ACSL3: variants seen among roughly 807,000 people sequenced by gnomAD.
ACSL3 encodes fatty acid CoA ligase Acsl3.
Under a neutral mutation model 84.7 loss-of-function variants are expected in ACSL3, and 34 were observed. The observed-to-expected ratio is 0.40, with a 90% CI of 0.31 to 0.53. The LOEUF (loss-of-function observed/expected upper bound fraction) is 0.53. Ranked by LOEUF, ACSL3 falls within the 20% of genes least tolerant of loss-of-function variation. The pLI is 0.48. For missense variants in ACSL3, 680 were observed against 873.1 expected, an observed-to-expected ratio of 0.78 and a Z score of 2.79; for synonymous variants, 315 against 299.4, an observed-to-expected ratio of 1.05 and a Z score of -0.54.
chr2:222,941,624 G>C lies in ACSL3; in HGVS notation c.2133G>C (p.Ala711=), dbSNP rs752311509. 43 of 1,612,836 alleles carry C rather than the reference G, an allele frequency of 2.7e-5. No individual in the cohort carries two copies. Among genetic ancestry groups the C allele is most frequent in the Non-Finnish European group, 3.2e-5 (38 of 1,179,516 alleles). Residue 711 remains alanine, a synonymous_variant, in exon 17 of 17, where the codon GCG becomes GCC. Transcript: ENST00000357430. ...KRKELKTHYQ[A]DIERMYGRK ...AAGAGCTTAAAACACATTACCAGGCGGACATTGAGCGAATGTATGGAAGAA... is the reference window on the plus strand; with the variant it reads ...AAGAGCTTAAAACACATTACCAGGCCGACATTGAGCGAATGTATGGAAGAA...
chr2:222,882,402 T>C (rs1478774432), intron 1 of ACSL3, among the ~76,000 whole-genome samples: 1 of 152,138 alleles, frequency 6.6e-6, no homozygotes, highest in African/African-American at 2.4e-5. Flanking sequence ...ATAACAGCGA[T>C]CTCCAAGCTT....
chr2:222,891,339 CA>C (rs368349798), intron 2 of ACSL3, among the ~76,000 whole-genome samples: 5 of 152,068 alleles, frequency 3.3e-5, no homozygotes, highest in Admixed American at 2.0e-4. Context: ...TAATGGTGAA[CA>C]AATTAAGATT....
At chr2:222,902,351 A>G (rs1696173546) in intron 3 of ACSL3, among the ~76,000 whole-genome samples, 1 of 152,218 alleles carries the variant, frequency 6.6e-6, no homozygotes, top group African/African-American at 2.4e-5. Context: ...TTTAGTTGTT[A>G]CTTAGCGTCC....
At chr2:222,868,190 A>G (rs553190411) in intron 1 of ACSL3, among the ~76,000 whole-genome samples, 1 of 152,220 alleles carries the variant, frequency 6.6e-6, no homozygotes, top group East Asian at 1.9e-4. Context: ...ATTTTCCTCT[A>G]AATGTAGTGC....
Position 222,908,739 on chromosome 2 carries a change from G to C in ACSL3, c.-34G>C. 6.5e-7 allele frequency: 1 copy of C among 1,541,540 alleles called. No individual in the cohort carries two copies. Among genetic ancestry groups the C allele is most frequent in the Non-Finnish European group, 8.7e-7 (1 of 1,153,082 alleles). Reference sequence around the variant, plus strand: ...TTCTTTTTCTTCCTCCTAGATTCTCGCTGAAGTCTGTTAATTCTACTTTTT... The same window carrying C: ...TTCTTTTTCTTCCTCCTAGATTCTCCCTGAAGTCTGTTAATTCTACTTTTT... On this transcript the variant is annotated 5_prime_UTR_variant, in exon 4 of 17. Coordinates refer to ENST00000357430, the MANE Select transcript of ACSL3 (RefSeq NM_004457.5).
At chr2:222,877,220 A>G (rs1226427187) in intron 1 of ACSL3, among the ~76,000 whole-genome samples, 2 of 152,200 alleles carry the variant, frequency 1.3e-5, no homozygotes, top group African/African-American at 4.8e-5. Context: ...TTGAAGTGAA[A>G]GAGTTGGTGG....
At chr2:222,883,269 C>A (rs920412190) in intron 1 of ACSL3, among the ~76,000 whole-genome samples, 2 of 151,680 alleles carry the variant, frequency 1.3e-5, no homozygotes, top group African/African-American at 4.8e-5. Context: ...CAACCTCCCC[C>A]TCCCGGGTTC....
chr2:222,909,968 G>C (rs923439197), intron 4 of ACSL3, among the ~76,000 whole-genome samples: 1 of 152,176 alleles, frequency 6.6e-6, no homozygotes, highest in Non-Finnish European at 1.5e-5. Context: ...GCTGGGACTG[G>C]AATCCAGGCC....
At chr2:222,874,494 C>A (rs1052622547) in intron 1 of ACSL3, among the ~76,000 whole-genome samples, 2 of 151,902 alleles carry the variant, frequency 1.3e-5, no homozygotes, top group Admixed American at 1.3e-4. Flanking sequence ...AGTTTGAGAC[C>A]AGCCTGGGCA....
intron 6 of ACSL3, among the ~76,000 whole-genome samples, chr2:222,918,620 T>G (rs1696647716): frequency 2.0e-5 from 3 of 150,618 alleles, no homozygotes; most frequent in Admixed American, 1.3e-4. Flanking sequence ...ATATCTGGGC[T>G]ATTCTATATG....
intron 14 of ACSL3, 144 bp from the exon 15 acceptor site, chr2:222,933,022 A>G (rs1051874877): frequency 6.6e-5 from 35 of 528,018 alleles, no homozygotes; most frequent in Non-Finnish European, 1.0e-4. Flanking sequence ...TAATTTCAGC[A>G]TAACCATTAA....
rs1011019757 is a variant in ACSL3, at chr2:222,908,860, A to G, written c.88A>G (p.Ile30Val). 23 of 1,604,302 alleles carry G rather than the reference A, an allele frequency of 1.4e-5. No individual in the cohort carries two copies. Among genetic ancestry groups the G allele is most frequent in the Non-Finnish European group, 1.8e-5 (21 of 1,173,822 alleles). Residue 30 changes from isoleucine to valine, a missense_variant, in exon 4 of 17, where the codon ATA (isoleucine) becomes GTA (valine). Ile to Val is a conservative substitution (Grantham distance 29). Transcript: ENST00000357430. ...TCTTTTATATTTTATACATTTTCTAATATCACTTTATACTATTTTAACATA... is the reference window on the plus strand; with the variant it reads ...TCTTTTATATTTTATACATTTTCTAGTATCACTTTATACTATTTTAACATA... The part of the protein sequence containing the change: ...PILLYFIHFL[I>V]SLYTILTYIP...
chr2:222,932,516 T>G (rs1436376358), intron 14 of ACSL3, among the ~76,000 whole-genome samples: 3 of 151,858 alleles, frequency 2.0e-5, no homozygotes, highest in African/African-American at 7.3e-5. Flanking sequence ...TTTAGTAGAG[T>G]CGGGGTTTCA....
At chr2:222,924,712 A>T in intron 11 of ACSL3, 117 bp downstream of exon 11, 1 of 1,196,042 alleles carries the variant, frequency 8.4e-7, no homozygotes, top group Middle Eastern at 2.2e-4. Context: ...TCATAAAGTC[A>T]AGAGAACTCT....
chr2:222,873,723 A>G (rs1223651347), intron 1 of ACSL3, among the ~76,000 whole-genome samples: 1 of 152,186 alleles, frequency 6.6e-6, no homozygotes, highest in Non-Finnish European at 1.5e-5. Context: ...TTTTGAAAAT[A>G]TTTTTAGTGG....
intron 4 of ACSL3, among the ~76,000 whole-genome samples, chr2:222,910,993 C>T (rs774155901): frequency 9.2e-5 from 14 of 151,452 alleles, no homozygotes; most frequent in Non-Finnish European, 1.8e-4. Context: ...ATTTCCAAAA[C>T]ATTTTATCAT....
chr2:222,895,367 T>A (rs1001205053), intron 2 of ACSL3, among the ~76,000 whole-genome samples: 2 of 152,204 alleles, frequency 1.3e-5, no homozygotes, highest in Non-Finnish European at 2.9e-5. Flanking sequence ...TGCATAATAC[T>A]TTCCTCTGCT....
At chr2:222,906,618 ATTT>A (rs35845392) in intron 3 of ACSL3, among the ~76,000 whole-genome samples, 3 of 142,350 alleles carry the variant, frequency 2.1e-5, no homozygotes, top group African/African-American at 2.6e-5. Flanking sequence ...TACCAGCCTC[ATTT>A]TTTTTTTTTT....
In ACSL3 at chr2:222,930,554, A is replaced by G. The variant is rs1449411697; in HGVS notation, c.1541-67A>G. On this transcript the variant is annotated intron_variant, in intron 13 of 16. Transcript: ENST00000357430. ...ATTAAAATAAGATGACTGTTTAGAA[A>G]CTAGTAGTTTCAAATTTTCATGTGT... The G allele has an allele frequency of 4.6e-6, 6 of 1,292,142 alleles. No homozygotes were observed. In the African/African-American group the frequency reaches 7.5e-5, roughly 16 times the overall value. The allele number at this position is 1,292,142 out of a possible 1,614,324, so 80.0% of individuals were successfully genotyped here.
Sources: gnomAD v4.1 joint callset for allele counts (sites outside exome capture counted in the v4.1 genomes callset) on GRCh38, gnomAD v4.1.1 for gene constraint, MANE v1.5 for transcripts, NCBI Gene and HGNC (gene_info 2026-07-23, HGNC 2026-07-21) for gene names.